The following CRLF2 variants were observed in gnomAD, a reference collection of about 807,000 sequenced individuals.
CRLF2 encodes the protein cytokine receptor-like factor 2.
A neutral mutation model predicts 38.7 loss-of-function variants in CRLF2; 41 were observed. The ratio of observed to expected loss-of-function variants is 1.06; its 90% CI spans 0.83 to 1.37. The LOEUF is 1.37. Ranked by LOEUF, CRLF2 falls within the 40% of genes most tolerant of loss-of-function variation. The pLI is 0.00. For missense variants in CRLF2, 377 were observed against 322.2 expected (o/e 1.17, Z -1.30); for synonymous variants, 140 against 128.8 (o/e 1.09, Z -0.59).
At chrX:1,191,238 C>T (rs1296357486) in intron 7 of CRLF2, 78 bp from the exon 8 acceptor site, 1 of 398,674 alleles carries the variant, frequency 2.5e-6, no homozygotes, top group Non-Finnish European at 4.4e-6. Flanking sequence ...CAGACGGTAC[C>T]CACCACAGAC....
chrX:1,204,311 C>T (rs1419448162), intron 3 of CRLF2, among the ~76,000 whole-genome samples: 3 of 152,096 alleles, frequency 2.0e-5, no homozygotes, highest in African/African-American at 4.8e-5. Context: ...TCACCACAAA[C>T]TCCGCCTCCC....
chrX:1,205,413 C>T (rs1438925146), intron 3 of CRLF2, among the ~76,000 whole-genome samples: 1 of 151,984 alleles, frequency 6.6e-6, no homozygotes, highest in African/African-American at 2.4e-5. Flanking sequence ...CCGCGACTTG[C>T]GAGAGCTTGC....
At chrX:1,192,214 A>AC (rs2086396600) in intron 7 of CRLF2, among the ~76,000 whole-genome samples, 2 of 137,618 alleles carry the variant, frequency 1.5e-5, no homozygotes, top group Non-Finnish European at 3.2e-5. Flanking sequence ...CAAAAAAAAA[A>AC]AAAAAACAAA....
At chrX:1,200,576 T>TGG in intron 4 of CRLF2, among the ~76,000 whole-genome samples, 1 of 108,966 alleles carries the variant, frequency 9.2e-6, no homozygotes. Flanking sequence ...ATAAGCTGTG[T>TGG]GTGTGTATAT....
At chrX:1,210,111 A>AAAAAAGAAAAGAAAAGAAAAG (rs1556425587) in intron 1 of CRLF2, among the ~76,000 whole-genome samples, 2 of 107,872 alleles carry the variant, frequency 1.9e-5, no homozygotes, top group African/African-American at 4.0e-5. Flanking sequence ...ATCAAAAAAA[A>AAAAAAGAAAAGAAAAGAAAAG]AAAAGAAAAG....
chrX:1,192,505 A>G (rs2086402341), intron 7 of CRLF2, among the ~76,000 whole-genome samples: 1 of 151,694 alleles, frequency 6.6e-6, no homozygotes, highest in Non-Finnish European at 1.5e-5. Context: ...CATCCCAGCT[A>G]CTCAGGAGGC....
intron 3 of CRLF2, among the ~76,000 whole-genome samples, chrX:1,205,616 G>A (rs28719175): frequency 0.31 from 46,922 of 151,542 alleles, 7,788 homozygotes; most frequent in Admixed American, 0.41. Flanking sequence ...TCATGGATCC[G>A]GTTATTTGCA....
chrX:1,198,182 TCCCAGGAAGGCAGGACACCCTCCCTC>T (rs2086527645), intron 5 of CRLF2, among the ~76,000 whole-genome samples: 1 of 112,610 alleles, frequency 8.9e-6, no homozygotes, highest in East Asian at 2.9e-4. Flanking sequence ...CCCTCCCACC[TCCCAGGAAGGCAGGACACCCTCCCTC>T]CCACCTCGAA....
At chrX:1,195,878 AT>A (rs1181696879) in intron 6 of CRLF2, among the ~76,000 whole-genome samples, 1 of 139,934 alleles carries the variant, frequency 7.1e-6, no homozygotes, top group African/African-American at 2.6e-5. Flanking sequence ...TTAAATATAT[AT>A]TTTATATAGA....
intron 1 of CRLF2, among the ~76,000 whole-genome samples, chrX:1,210,517 A>G (rs1490539355): frequency 2.0e-5 from 3 of 151,982 alleles, no homozygotes; most frequent in African/African-American, 7.2e-5. Context: ...TCACCGTGTT[A>G]GCCAGGATGG....
rs1353546919 is a variant in CRLF2 at position 1,202,767 on chromosome X, G to T, written c.350-232C>A. 1.9e-4 allele frequency among the ~76,000 whole-genome samples: 29 copies of T among 152,116 alleles called. No homozygotes were observed. In the South Asian group the frequency reaches 3.1e-3, roughly 16 times the overall value. On this transcript the variant is annotated intron_variant, in intron 3 of 7. Coordinates refer to ENST00000400841, the MANE Select transcript of CRLF2 (RefSeq NM_022148.4). Reference sequence around the variant, plus strand: ...AAATTCTGCGGAAAATGTCCTGTGTGTCTGTTACGGGCTAAATTAAGTCCC... The same window carrying T: ...AAATTCTGCGGAAAATGTCCTGTGTTTCTGTTACGGGCTAAATTAAGTCCC...
intron 6 of CRLF2, among the ~76,000 whole-genome samples, chrX:1,195,250 T>G (rs1249325945): frequency 6.6e-6 from 1 of 151,974 alleles, no homozygotes; most frequent in African/African-American, 2.4e-5. Context: ...ACCTCACATT[T>G]TTGAAAAGTT....
At chrX:1,197,528 G>A (rs768751674) in intron 5 of CRLF2, among the ~76,000 whole-genome samples, 7 of 151,964 alleles carry the variant, frequency 4.6e-5, no homozygotes, top group African/African-American at 1.4e-4. Flanking sequence ...GAAAACATAC[G>A]TCAAAGGCCG....
chrX:1,208,467 G>C (rs187005041), intron 2 of CRLF2, among the ~76,000 whole-genome samples: 8 of 152,276 alleles, frequency 5.3e-5, no homozygotes, highest in Non-Finnish European at 8.8e-5. Context: ...GCTGAGGCAG[G>C]GGAATGGCTT....
intron 6 of CRLF2, 64 bp from the exon 7 acceptor site, chrX:1,193,366 G>A (rs2086426708): frequency 2.5e-6 from 1 of 398,480 alleles, no homozygotes; most frequent in South Asian, 1.3e-4. Context: ...TTGGCAAGAA[G>A]CACCTACAGG....
At chrX:1,191,309 CTTTCT>C (rs2086370823) in intron 7 of CRLF2, 149 bp from the exon 8 acceptor site, 22 of 356,136 alleles carry the variant, frequency 6.2e-5, no homozygotes, top group African/African-American at 2.2e-4. Flanking sequence ...TTCTTTCTTT[CTTTCT>C]TTCTTTCTTT....
chrX:1,195,465 T>C (rs1378457659), intron 6 of CRLF2, among the ~76,000 whole-genome samples: 2 of 151,852 alleles, frequency 1.3e-5, no homozygotes, highest in South Asian at 2.1e-4. Context: ...TGGAGTGCAG[T>C]GGTGCAATCA....
intron 1 of CRLF2, among the ~76,000 whole-genome samples, chrX:1,210,271 A>G (rs28730540): frequency 0.4 from 60,360 of 151,482 alleles, 12,539 homozygotes; most frequent in African/African-American, 0.5. Flanking sequence ...AATATTTTAG[A>G]ATTGAGCAAA....
At chrX:1,209,395 A>G (rs1471112772) in intron 1 of CRLF2, among the ~76,000 whole-genome samples, 21 of 139,496 alleles carry the variant, frequency 1.5e-4, no homozygotes, top group African/African-American at 3.2e-4. Flanking sequence ...GCAGTGGCGC[A>G]ATCTCGGCTC....
Sources: gnomAD v4.1 joint callset for allele counts (sites outside exome capture counted in the v4.1 genomes callset) on GRCh38, gnomAD v4.1.1 for gene constraint, MANE v1.5 for transcripts, NCBI Gene and HGNC (gene_info 2026-07-23, HGNC 2026-07-21) for gene names.